The following VWA3B variants were observed in gnomAD, a reference collection of about 807,000 sequenced individuals.
The protein encoded by VWA3B is von Willebrand factor A domain containing 3B.
In VWA3B, 138 loss-of-function variants were observed where a neutral mutation model predicts 158.3. The ratio of observed to expected loss-of-function variants is 0.87; its 90% CI spans 0.76 to 1.00. VWA3B has a LOEUF of 1.00. VWA3B is among the 50% of genes least tolerant of loss of function. The pLI is 0.00. For missense variants in VWA3B, 1,555 were observed against 1,565.1 expected (o/e 0.99, Z 0.11); for synonymous variants, 596 against 587.3 (o/e 1.01, Z -0.21).
chr2:98,321,449 C>G, the VWA3B span, among the ~76,000 whole-genome samples: 1 of 152,208 alleles, frequency 6.6e-6, no homozygotes, highest in Non-Finnish European at 1.5e-5. Context: ...ACACTCAATA[C>G]CAGCCATAAA....
chr2:98,196,131 A>T (rs1215977000), intron 12 of VWA3B, among the ~76,000 whole-genome samples: 1 of 152,128 alleles, frequency 6.6e-6, no homozygotes, highest in Non-Finnish European at 1.5e-5. Flanking sequence ...CTGGGTGGGG[A>T]TGGGGAGATG....
intron 8 of VWA3B, among the ~76,000 whole-genome samples, chr2:98,167,203 C>G (rs970197669): frequency 6.6e-6 from 1 of 152,158 alleles, no homozygotes; most frequent in African/African-American, 2.4e-5. Flanking sequence ...TTCGAGGTCA[C>G]CTGGCACATA....
rs980807829 is a variant in VWA3B, at chr2:98,237,686, G to A, written c.2673+956G>A. On this transcript the variant is annotated intron_variant, in intron 19 of 27. Coordinates refer to ENST00000477737, the MANE Select transcript of VWA3B (RefSeq NM_144992.5). ...ACCAAAAACATGAGAACATGAAGAC[G>A]GAACCTCAGTGCTTCCAGGCAAATA... 6.6e-5 allele frequency among the ~76,000 whole-genome samples: 10 copies of A among 152,250 alleles called. No homozygotes were observed. The East Asian group carries it at 9.6e-4, about 15-fold the overall frequency.
At chr2:98,213,952 A>G (rs562885571) in intron 13 of VWA3B, among the ~76,000 whole-genome samples, 158 of 152,300 alleles carry the variant, frequency 1.0e-3, no homozygotes, top group African/African-American at 3.4e-3. Context: ...ACACTTTGGT[A>G]GGCTGAGGCA....
chr2:98,121,168 C>A, intron 4 of VWA3B, 131 bp from the exon 5 acceptor site: 1 of 1,152,718 alleles, frequency 8.7e-7, no homozygotes, highest in Non-Finnish European at 1.2e-6. Context: ...GGGCTGGGAG[C>A]TATGATTTCT....
chr2:98,308,264 C>T (rs1690649186), intron 26 of VWA3B, among the ~76,000 whole-genome samples: 1 of 152,162 alleles, frequency 6.6e-6, no homozygotes, highest in South Asian at 2.1e-4. Context: ...AGCATGACGA[C>T]GGCATTCTCT....
At chr2:98,219,909 T>C (rs890755299) in intron 14 of VWA3B, among the ~76,000 whole-genome samples, 1 of 151,996 alleles carries the variant, frequency 6.6e-6, no homozygotes, top group Non-Finnish European at 1.5e-5. Context: ...ACACCTGTAA[T>C]CCTAGCACTT....
chr2:98,089,001 G>A lies in VWA3B; in HGVS notation c.-33+1638G>A, dbSNP rs1039661098. Among the ~76,000 whole-genome samples the A allele has an allele frequency of 5.9e-5, 9 of 152,140 alleles. No individual in the cohort carries two copies. The East Asian group carries it at 7.8e-4, about 13-fold the overall frequency. ...GCTCCTGACCTCAGGTGATCCGCCC[G>A]CCTTGGCCTCCCAAAGTGCCAAGAG... On this transcript the variant is annotated intron_variant, in intron 1 of 27. Coordinates refer to ENST00000477737, the MANE Select transcript of VWA3B (RefSeq NM_144992.5).
rs142446338 is a variant in VWA3B, at chr2:98,130,588, C to T, written c.872+2180C>T. ...ACTTGAGATTAGGGAGTGGTGATGA[C>T]TCTTAACGAGCATGCTGCCTTCAAG... On this transcript the variant is annotated intron_variant, in intron 6 of 27. Coordinates refer to ENST00000477737, the MANE Select transcript of VWA3B (RefSeq NM_144992.5). Among the ~76,000 whole-genome samples the T allele has an allele frequency of 9.5e-3, 1,443 of 152,334 alleles. 13 individuals are homozygous for T. The highest frequency in any genetic ancestry group is 0.016 in the Admixed American group (244 of 15,302).
In VWA3B at chr2:98,264,266, C is replaced by T. The variant is rs1337886747; in HGVS notation, c.2844-6416C>T. Among the ~76,000 whole-genome samples, 3 of 151,676 alleles carry T rather than the reference C, an allele frequency of 2.0e-5. No individual in the cohort carries two copies. The East Asian group carries it at 5.8e-4, about 29-fold the overall frequency. ...TTTATTATTTTCTTCCCTCTGCTAA[C>T]TTGGGCTTTCATTTGTTCTTTTCCT... is the stretch of plus-strand genomic sequence containing the variant. On this transcript the variant is annotated intron_variant, in intron 21 of 27. Transcript: ENST00000477737.
At chr2:98,157,005 T>C (rs1678141098) in intron 7 of VWA3B, among the ~76,000 whole-genome samples, 1 of 152,190 alleles carries the variant, frequency 6.6e-6, no homozygotes, top group Admixed American at 6.5e-5. Flanking sequence ...TCTAAACGAA[T>C]TTTGGACAAT....
At chr2:98,267,126 G>A (rs1322097714) in intron 21 of VWA3B, among the ~76,000 whole-genome samples, 1 of 151,566 alleles carries the variant, frequency 6.6e-6, no homozygotes, top group East Asian at 1.9e-4. Flanking sequence ...TCTTGTGCCA[G>A]TTTTCAAAGG....
rs370599692 is a variant in VWA3B, at chr2:98,236,678, C to T, written c.2621C>T (p.Ser874Phe). 1.9e-6 allele frequency: 3 copies of T among 1,614,108 alleles called. No homozygotes were observed. Among genetic ancestry groups the T allele is most frequent in the African/African-American group, 1.3e-5 (1 of 74,928 alleles). Residue 874 changes from serine to phenylalanine, a missense_variant, in exon 19 of 28, where the codon TCC becomes TTC. Ser to Phe is a radical substitution (Grantham distance 155). Coordinates refer to ENST00000477737, the MANE Select transcript of VWA3B (RefSeq NM_144992.5). Reference sequence around the variant, plus strand: ...TCAGTGGCAGCAGTCCCGCACAGCTCCACCTATGTTCCCGTCCTGGACAAG... The same window carrying T: ...TCAGTGGCAGCAGTCCCGCACAGCTTCACCTATGTTCCCGTCCTGGACAAG... Reference protein sequence around the residue: ...ALSVAAVPHSSTYVPVLDKHV... With the variant: ...ALSVAAVPHSFTYVPVLDKHV...
chr2:98,213,909 G>A (rs1442393234), intron 13 of VWA3B, among the ~76,000 whole-genome samples: 3 of 152,144 alleles, frequency 2.0e-5, no homozygotes, highest in African/African-American at 7.2e-5. Context: ...GAGAAAATGT[G>A]GTTGGGTGGG....
intron 8 of VWA3B, among the ~76,000 whole-genome samples, chr2:98,170,469 A>G (rs989207637): frequency 2.6e-5 from 4 of 152,202 alleles, no homozygotes; most frequent in Admixed American, 2.6e-4. Flanking sequence ...CAGTAGGTCT[A>G]CAGGAGTTTA....
rs751411935 is a variant in VWA3B, at chr2:98,311,956, C to T, written c.3659C>T (p.Ala1220Val). 1.9e-6 allele frequency: 3 copies of T among 1,606,138 alleles called. No homozygotes were observed. The highest frequency in any genetic ancestry group is 2.6e-6 in the Non-Finnish European group (3 of 1,176,320). ...RPAKQPLQQAAPSDSDGSSHG... is the reference protein window; with the variant it reads ...RPAKQPLQQAVPSDSDGSSHG... ...GCCAAGCAGCCACTCCAGCAGGCGG[C>T]GCCCTCGGACTCGGACGGCTCCTCC... The change falls in exon 27 of 28, where the codon GCG becomes GTG. Residue 1220 changes from alanine (A) to valine (V), a missense_variant. Physicochemically the swap from Ala to Val is moderately conservative, Grantham distance 64. Transcript: ENST00000477737.
intron 2 of VWA3B, among the ~76,000 whole-genome samples, chr2:98,103,227 T>G (rs756412993): frequency 1.3e-5 from 2 of 152,214 alleles, no homozygotes; most frequent in Non-Finnish European, 2.9e-5. Flanking sequence ...ATAACTCTTT[T>G]CAAAGAAACA....
the VWA3B span, among the ~76,000 whole-genome samples, chr2:98,321,178 A>G: frequency 6.6e-6 from 1 of 152,274 alleles, no homozygotes; most frequent in South Asian, 2.1e-4. Flanking sequence ...TCAAGAACTG[A>G]AGTTTTGGAA....
At position 98,170,605 on chromosome 2, in the gene VWA3B, G is replaced by A. The variant is rs998514678; in HGVS notation, c.1114+7629G>A. Among the ~76,000 whole-genome samples the A allele has an allele frequency of 4.3e-5, 6 of 139,818 alleles. No homozygotes were observed. The Admixed American group carries it at 4.6e-4, about 11-fold the overall frequency. 91.7% of individuals were successfully genotyped at this position (139,818 alleles called of 152,430 possible). On this transcript the variant is annotated intron_variant, in intron 8 of 27. Coordinates refer to ENST00000477737, the MANE Select transcript of VWA3B (RefSeq NM_144992.5). ...ATGAAGTACACAGACTCAGAGTTAG[G>A]AAGATTTTTTTTTTTTTTGAGATGG...
Sources: gnomAD v4.1 joint callset for allele counts (sites outside exome capture counted in the v4.1 genomes callset) on GRCh38, gnomAD v4.1.1 for gene constraint, MANE v1.5 for transcripts, NCBI Gene and HGNC (gene_info 2026-07-23, HGNC 2026-07-21) for gene names.